The following STAG1 variants were observed in gnomAD, a reference collection of about 807,000 sequenced individuals.
STAG1 encodes the protein STAG1 cohesin complex component, also known as cohesin subunit SA-1.
Under a neutral mutation model 170.9 loss-of-function variants are expected in STAG1, and 26 were observed. The observed-to-expected ratio is 0.15, with a 90% confidence interval of 0.11 to 0.21. STAG1 has a LOEUF of 0.21. Ranked by LOEUF, STAG1 falls within the 10% of genes least tolerant of loss-of-function variation. The pLI is 1.00. For missense variants in STAG1, 964 were observed against 1,509.5 expected, an observed-to-expected ratio of 0.64 and a Z score of 5.99; for synonymous variants, 514 against 497.7, an observed-to-expected ratio of 1.03 and a Z score of -0.44.
intron 22 of STAG1, among the ~76,000 whole-genome samples, chr3:136,392,738 C>G (rs1184984261): frequency 1.0e-4 from 15 of 142,994 alleles, no homozygotes; most frequent in Admixed American, 3.7e-4. Flanking sequence ...TGCATTCCAC[C>G]CTGGGTGACA....
At chr3:136,390,906 G>A (rs1432847676) in intron 22 of STAG1, among the ~76,000 whole-genome samples, 2 of 152,150 alleles carry the variant, frequency 1.3e-5, no homozygotes, top group Non-Finnish European at 2.9e-5. Flanking sequence ...TAACACATTT[G>A]TAGGAATGCA....
chr3:136,558,982 G>C (rs1936732304), intron 5 of STAG1, among the ~76,000 whole-genome samples: 1 of 152,132 alleles, frequency 6.6e-6, no homozygotes, highest in African/African-American at 2.4e-5. Context: ...AGACATTTTT[G>C]CTTGTTACAA....
At chr3:136,579,417 T>A (rs914832958) in intron 4 of STAG1, among the ~76,000 whole-genome samples, 1 of 152,218 alleles carries the variant, frequency 6.6e-6, no homozygotes, top group Non-Finnish European at 1.5e-5. Context: ...AGGGTCTCAT[T>A]AGGCTGCAAT....
intron 22 of STAG1, among the ~76,000 whole-genome samples, chr3:136,396,961 A>G (rs1047166504): frequency 5.3e-5 from 8 of 152,222 alleles, no homozygotes; most frequent in Non-Finnish European, 1.0e-4. Flanking sequence ...AATGAAAAAG[A>G]ATTTAAAAAT....
chr3:136,657,714 C>A (rs1321393833), intron 1 of STAG1, among the ~76,000 whole-genome samples: 1 of 152,084 alleles, frequency 6.6e-6, no homozygotes, highest in African/African-American at 2.4e-5. Context: ...TTCAGCTACT[C>A]CTGAGGCTTA....
intron 12 of STAG1, among the ~76,000 whole-genome samples, chr3:136,466,644 T>C (rs1195511684): frequency 6.6e-6 from 1 of 151,896 alleles, no homozygotes; most frequent in East Asian, 1.9e-4. Flanking sequence ...ATTCAGGAAA[T>C]ACAGAGAACG....
intron 22 of STAG1, among the ~76,000 whole-genome samples, chr3:136,386,954 C>T (rs1161987692): frequency 6.6e-6 from 1 of 152,104 alleles, no homozygotes; most frequent in Non-Finnish European, 1.5e-5. Context: ...AGTAGCAAAA[C>T]AAGGACCTAG....
chr3:136,495,644 C>T (rs371305215), intron 9 of STAG1, among the ~76,000 whole-genome samples: 3 of 150,446 alleles, frequency 2.0e-5, no homozygotes, highest in African/African-American at 7.4e-5. Context: ...ACCAGCCTGA[C>T]CAACATGGTG....
chr3:136,668,801 C>A (rs912980029), intron 1 of STAG1, among the ~76,000 whole-genome samples: 24 of 152,162 alleles, frequency 1.6e-4, no homozygotes, highest in African/African-American at 5.3e-4. Flanking sequence ...AAAGGCTCTG[C>A]AGCTGGAAGC....
chr3:136,727,079 A>G (rs571245717), intron 1 of STAG1, among the ~76,000 whole-genome samples: 5 of 152,290 alleles, frequency 3.3e-5, no homozygotes, highest in Non-Finnish European at 7.3e-5. Flanking sequence ...ATTATTATCC[A>G]TCATAACACC....
intron 1 of STAG1, among the ~76,000 whole-genome samples, chr3:136,725,832 A>G (rs1214151952): frequency 1.3e-5 from 2 of 152,184 alleles, no homozygotes; most frequent in Non-Finnish European, 2.9e-5. Context: ...AATTCAATGA[A>G]ATAAAATTTT....
At chr3:136,643,359 T>C (rs927297771) in intron 1 of STAG1, among the ~76,000 whole-genome samples, 2 of 152,220 alleles carry the variant, frequency 1.3e-5, no homozygotes, top group Non-Finnish European at 2.9e-5. Context: ...AATAAAGAGA[T>C]AAACATGAGA....
intron 2 of STAG1, among the ~76,000 whole-genome samples, chr3:136,625,989 G>A (rs1445587435): frequency 2.0e-5 from 3 of 151,938 alleles, no homozygotes; most frequent in Non-Finnish European, 2.9e-5. Context: ...GGAGATGGAC[G>A]TTGCAGTGAG....
chr3:136,622,649 G>A (rs1347862029), intron 3 of STAG1, among the ~76,000 whole-genome samples: 1 of 152,142 alleles, frequency 6.6e-6, no homozygotes, highest in Non-Finnish European at 1.5e-5. Flanking sequence ...TTGACAAGCA[G>A]ATAACAGTAT....
At chr3:136,497,771 C>T (rs1401341070) in intron 9 of STAG1, among the ~76,000 whole-genome samples, 2 of 151,052 alleles carry the variant, frequency 1.3e-5, no homozygotes, top group East Asian at 2.0e-4. Flanking sequence ...AGGAGAATGG[C>T]GTGAACCCGG....
At chr3:136,515,846 T>C (rs945716762) in intron 7 of STAG1, among the ~76,000 whole-genome samples, 1 of 152,200 alleles carries the variant, frequency 6.6e-6, no homozygotes, top group African/African-American at 2.4e-5. Context: ...CACCAACTAT[T>C]GGGCATTAAT....
At chr3:136,406,159 T>C (rs932105884) in intron 21 of STAG1, among the ~76,000 whole-genome samples, 1 of 152,182 alleles carries the variant, frequency 6.6e-6, no homozygotes, top group East Asian at 1.9e-4. Context: ...AGTAGCCGGA[T>C]GGATAAAGCA....
chr3:136,660,016 A>C (rs1489390906), intron 1 of STAG1, among the ~76,000 whole-genome samples: 1 of 152,206 alleles, frequency 6.6e-6, no homozygotes, highest in East Asian at 1.9e-4. Flanking sequence ...CCATCTCTAT[A>C]AAATTTTTTA....
At chr3:136,510,205 A>C (rs2107882875) in intron 7 of STAG1, among the ~76,000 whole-genome samples, 1 of 152,302 alleles carries the variant, frequency 6.6e-6, no homozygotes, top group Middle Eastern at 3.4e-3. Context: ...TAATCCCCAC[A>C]TGCCAAAGCG....
Sources: gnomAD v4.1 joint callset for allele counts (sites outside exome capture counted in the v4.1 genomes callset) on GRCh38, gnomAD v4.1.1 for gene constraint, MANE v1.5 for transcripts, NCBI Gene and HGNC (gene_info 2026-07-23, HGNC 2026-07-21) for gene names.